The following SLC2A9 variants were observed in gnomAD, a reference collection of about 807,000 sequenced individuals.
SLC2A9 encodes the protein solute carrier family 2, facilitated glucose transporter member 9.
SLC2A9 carries 39 observed loss-of-function variants against 50.6 expected under a neutral mutation model. The observed-to-expected ratio is 0.77, with a 90% CI of 0.60 to 1.01. The LOEUF is 1.01. SLC2A9 is among the 50% of genes least tolerant of loss of function. The pLI is 0.00. For synonymous variants in SLC2A9, 324 were observed against 276.9 expected (o/e 1.17, Z -1.69); for missense variants, 686 against 677.6 (o/e 1.01, Z -0.14).
At position 9,836,516 on chromosome 4, in the gene SLC2A9, A is replaced by T. The variant is rs1486103986; in HGVS notation, c.1292-1508T>A. Among the ~76,000 whole-genome samples the T allele has an allele frequency of 2.6e-5, 4 of 152,260 alleles. No homozygotes were observed. In the South Asian group the frequency reaches 8.3e-4, roughly 32 times the overall value. On this transcript the variant is annotated intron_variant, in intron 10 of 11. Coordinates refer to ENST00000264784, the MANE Select transcript of SLC2A9 (RefSeq NM_020041.3). ...ATGCCGAGTGGAGGGAGGGGCCAGC[A>T]GAGGTCCTACAGGTGAAAGGATTGG...
chr4:9,947,376 G>A (rs1749377627), intron 5 of SLC2A9, among the ~76,000 whole-genome samples: 1 of 152,170 alleles, frequency 6.6e-6, no homozygotes, highest in Admixed American at 6.5e-5. Context: ...CTGCATATTT[G>A]TGAAAGGTGC....
chr4:9,987,306 G>A (rs986561459), intron 3 of SLC2A9, among the ~76,000 whole-genome samples: 3 of 152,204 alleles, frequency 2.0e-5, no homozygotes, highest in South Asian at 4.1e-4. Context: ...TTTTAGTAGA[G>A]ACGGGGTTTC....
chr4:9,858,999 G>A (rs558258767), intron 10 of SLC2A9, among the ~76,000 whole-genome samples: 8 of 152,248 alleles, frequency 5.3e-5, no homozygotes, highest in Non-Finnish European at 1.0e-4. Flanking sequence ...TTCAGCTTTT[G>A]GACTCTTGGA....
At chr4:10,016,384 T>C (rs1215628176) in intron 2 of SLC2A9, among the ~76,000 whole-genome samples, 7 of 152,096 alleles carry the variant, frequency 4.6e-5, no homozygotes, top group Admixed American at 3.9e-4. Context: ...ATAATGATGA[T>C]CCATACCTCA....
At chr4:9,790,333 G>A (rs1435962453) in intron 3 of SLC2A9, among the ~76,000 whole-genome samples, 1 of 152,216 alleles carries the variant, frequency 6.6e-6, no homozygotes, top group East Asian at 1.9e-4. Context: ...CCTTTCCAAT[G>A]GGTAATTAGA....
chr4:9,775,605 G>T (rs1717446763), downstream of SLC2A9, among the ~76,000 whole-genome samples: 1 of 151,966 alleles, frequency 6.6e-6, no homozygotes, highest in South Asian at 2.1e-4. Context: ...TGTGAGATCT[G>T]GTTATTTAAA....
At chr4:9,866,738 G>C (rs1213528536) in intron 10 of SLC2A9, among the ~76,000 whole-genome samples, 1 of 152,196 alleles carries the variant, frequency 6.6e-6, no homozygotes, top group Admixed American at 6.5e-5. Flanking sequence ...CCCCATCCAT[G>C]CGTGTGAGCT....
chr4:10,026,375 T>C (rs73805495), upstream of SLC2A9, among the ~76,000 whole-genome samples: 1,834 of 152,308 alleles, frequency 0.012, 24 homozygotes, highest in African/African-American at 0.041. Context: ...TTGGCAAGGA[T>C]GTGGAGAAAT....
chr4:9,963,275 C>A (rs1752561955), intron 5 of SLC2A9, among the ~76,000 whole-genome samples: 1 of 152,120 alleles, frequency 6.6e-6, no homozygotes, highest in South Asian at 2.1e-4. Flanking sequence ...TCCAACTGGC[C>A]CTGCCCTTGA....
chr4:9,872,070 C>T (rs1198611232), intron 10 of SLC2A9, among the ~76,000 whole-genome samples: 3 of 152,102 alleles, frequency 2.0e-5, no homozygotes, highest in African/African-American at 4.8e-5. Flanking sequence ...TCCAGGGACC[C>T]GGGTGGGGGA....
rs1324776818 is a variant in SLC2A9 at position 9,851,703 on chromosome 4, G to A, written c.1292-16695C>T. Among the ~76,000 whole-genome samples the A allele has an allele frequency of 4.1e-5, 6 of 147,634 alleles. No homozygotes were observed. In the East Asian group the frequency reaches 5.9e-4, roughly 14 times the overall value. ...TAAAACAATACAGGAGGTGAAAGACGAAATGGCCATTTTAAGAAAAAACCA... is the reference window on the plus strand; with the variant it reads ...TAAAACAATACAGGAGGTGAAAGACAAAATGGCCATTTTAAGAAAAAACCA... On this transcript the variant is annotated intron_variant, in intron 10 of 11. Coordinates refer to ENST00000264784, the MANE Select transcript of SLC2A9 (RefSeq NM_020041.3).
chr4:9,938,792 G>C (rs1747600355), intron 6 of SLC2A9, among the ~76,000 whole-genome samples: 1 of 152,116 alleles, frequency 6.6e-6, no homozygotes, highest in African/African-American at 2.4e-5. Context: ...GGAGATCACA[G>C]AAGCAAAGCA....
chr4:10,014,191 G>A (rs934347348), intron 2 of SLC2A9, among the ~76,000 whole-genome samples: 1 of 152,000 alleles, frequency 6.6e-6, no homozygotes, highest in Non-Finnish European at 1.5e-5. Flanking sequence ...TCACTCACCC[G>A]TTTCTAAGCC....
upstream of SLC2A9, among the ~76,000 whole-genome samples, chr4:10,024,793 G>A (rs1763699322): frequency 1.3e-5 from 2 of 152,180 alleles, no homozygotes; most frequent in African/African-American, 2.4e-5. Flanking sequence ...TGGACAAGGT[G>A]GAAGTTTTCT....
chr4:9,902,210 T>C (rs1373351874), intron 8 of SLC2A9, among the ~76,000 whole-genome samples: 1 of 152,182 alleles, frequency 6.6e-6, no homozygotes, highest in Non-Finnish European at 1.5e-5. Context: ...TCTCATAACA[T>C]CCTTCACCTT....
At chr4:9,958,742 G>A (rs1463491613) in intron 5 of SLC2A9, among the ~76,000 whole-genome samples, 3 of 152,178 alleles carry the variant, frequency 2.0e-5, no homozygotes, top group African/African-American at 7.2e-5. Context: ...GGACTGTTCT[G>A]CACCAGGACC....
At chr4:9,882,702 C>G (rs1429960191) in intron 10 of SLC2A9, among the ~76,000 whole-genome samples, 1 of 122,664 alleles carries the variant, frequency 8.2e-6, no homozygotes, top group Non-Finnish European at 1.7e-5. Context: ...GAGTGAGACT[C>G]TGTCTCAAGA....
intron 3 of SLC2A9, among the ~76,000 whole-genome samples, chr4:9,780,531 G>C (rs1320609812): frequency 2.0e-5 from 3 of 152,160 alleles, no homozygotes; most frequent in African/African-American, 7.2e-5. Context: ...GTACAGGTGC[G>C]TTTGGTGGAG....
chr4:9,779,034 G>A (rs1717952491), downstream of SLC2A9, among the ~76,000 whole-genome samples: 1 of 152,120 alleles, frequency 6.6e-6, no homozygotes, highest in Admixed American at 6.5e-5. Context: ...CCACAGTGCT[G>A]GGATTACAGG....
Sources: gnomAD v4.1 joint callset for allele counts (sites outside exome capture counted in the v4.1 genomes callset) on GRCh38, gnomAD v4.1.1 for gene constraint, MANE v1.5 for transcripts, NCBI Gene and HGNC (gene_info 2026-07-23, HGNC 2026-07-21) for gene names.